DLC1: variants seen among roughly 807,000 people sequenced by gnomAD.
DLC1 encodes DLC1 Rho GTPase activating protein.
Under a neutral mutation model 140.3 loss-of-function variants are expected in DLC1, and 54 were observed. That is an observed-to-expected ratio of 0.38 (90% CI 0.31 to 0.48). The LOEUF (loss-of-function observed/expected upper bound fraction) is 0.48. Ranked by LOEUF, DLC1 falls within the 20% of genes least tolerant of loss-of-function variation. The pLI is 0.96. For synonymous variants in DLC1, 986 were observed against 728.1 expected (o/e 1.35, Z -5.70); for missense variants, 2,536 against 1,907.0 (o/e 1.33, Z -6.14).
chr8:13,450,406 G>T (rs1461390361), intron 2 of DLC1, among the ~76,000 whole-genome samples: 1 of 128,132 alleles, frequency 7.8e-6, no homozygotes, highest in Non-Finnish European at 1.5e-5. Flanking sequence ...AGTGAGCCAA[G>T]ATAGTGCCAC....
chr8:13,282,691 A>C (rs981923502), intron 5 of DLC1, among the ~76,000 whole-genome samples: 1 of 152,214 alleles, frequency 6.6e-6, no homozygotes, highest in South Asian at 2.1e-4. Context: ...GTGTGTTAGT[A>C]AAGAAGCTCA....
At chr8:13,265,689 C>T (rs924020987) in intron 5 of DLC1, among the ~76,000 whole-genome samples, 2 of 151,662 alleles carry the variant, frequency 1.3e-5, no homozygotes, top group East Asian at 3.9e-4. Context: ...TTCTCTTCTT[C>T]CTTCCTTCCT....
At chr8:13,134,572 C>G (rs1822411863) in intron 5 of DLC1, among the ~76,000 whole-genome samples, 1 of 152,104 alleles carries the variant, frequency 6.6e-6, no homozygotes, top group African/African-American at 2.4e-5. Flanking sequence ...AATTTAGTCT[C>G]TTAATTATAG....
intron 1 of DLC1, among the ~76,000 whole-genome samples, chr8:13,575,173 C>T (rs1240532727): frequency 3.3e-5 from 5 of 152,138 alleles, no homozygotes; most frequent in Non-Finnish European, 7.3e-5. Context: ...GTGTCTTATG[C>T]AATCATAAGC....
At chr8:13,472,221 C>G (rs1008616805) in intron 2 of DLC1, among the ~76,000 whole-genome samples, 1 of 152,120 alleles carries the variant, frequency 6.6e-6, no homozygotes, top group Non-Finnish European at 1.5e-5. Context: ...TATCCTTCCC[C>G]TTAGGAATCT....
chr8:13,499,220 G>A lies in DLC1; in HGVS notation c.852C>T (p.Cys284=). ...CATTTTCAGCTGACATTCCATTGGGGCAGGAAGGAGGCTGCAGAAGGCAGC... is the reference window on the plus strand; with the variant it reads ...CATTTTCAGCTGACATTCCATTGGGACAGGAAGGAGGCTGCAGAAGGCAGC... The part of the protein sequence containing the change: ...FGSCLLQPPS[C]PNGMSAENGL... The change falls in exon 2 of 18, where the codon TGC becomes TGT. Residue 284 remains cysteine (C), a synonymous_variant. Coordinates refer to ENST00000276297, the MANE Select transcript of DLC1 (RefSeq NM_182643.3). The A allele has an allele frequency of 6.2e-7, 1 of 1,614,168 alleles. No homozygotes were observed. The highest frequency in any genetic ancestry group is 8.5e-7 in the Non-Finnish European group (1 of 1,180,020).
intron 2 of DLC1, among the ~76,000 whole-genome samples, chr8:13,492,234 T>A (rs984808749): frequency 2.6e-5 from 4 of 152,084 alleles, no homozygotes; most frequent in Admixed American, 2.6e-4. Context: ...AGGCTGGCTC[T>A]GGTCATCACC....
At chr8:13,367,574 T>C (rs774466856) in intron 4 of DLC1, among the ~76,000 whole-genome samples, 1 of 152,194 alleles carries the variant, frequency 6.6e-6, no homozygotes, top group Admixed American at 6.5e-5. Context: ...GACGTGCTTA[T>C]TTGTTTTTGT....
intron 4 of DLC1, among the ~76,000 whole-genome samples, chr8:13,349,619 A>G (rs928242822): frequency 3.9e-5 from 6 of 152,202 alleles, no homozygotes; most frequent in Non-Finnish European, 7.3e-5. Context: ...TCAGTGACTT[A>G]TCTTTACATA....
At chr8:13,579,876 G>T (rs1805021696) in intron 1 of DLC1, among the ~76,000 whole-genome samples, 1 of 151,734 alleles carries the variant, frequency 6.6e-6, no homozygotes, top group Non-Finnish European at 1.5e-5. Flanking sequence ...TGTTGTATCA[G>T]TGATTTCCTA....
At chr8:13,493,752 A>C (rs919393503) in intron 2 of DLC1, among the ~76,000 whole-genome samples, 1 of 152,004 alleles carries the variant, frequency 6.6e-6, no homozygotes. Context: ...TCAGCCTCCT[A>C]CTTTGGTTCA....
chr8:13,353,130 G>A (rs1283874674), intron 4 of DLC1, among the ~76,000 whole-genome samples: 7 of 152,104 alleles, frequency 4.6e-5, no homozygotes, highest in Non-Finnish European at 7.3e-5. Context: ...GTGGCTATAC[G>A]TGGCTTTCCT....
chr8:13,368,690 T>A (rs1419014762), intron 4 of DLC1, among the ~76,000 whole-genome samples: 2 of 152,148 alleles, frequency 1.3e-5, no homozygotes, highest in Non-Finnish European at 2.9e-5. Context: ...CTCTGAGTTG[T>A]TAGGTGAAAG....
intron 1 of DLC1, among the ~76,000 whole-genome samples, chr8:13,579,343 A>AAAATACATATT (rs1804972021): frequency 3.5e-5 from 1 of 28,918 alleles, no homozygotes; most frequent in African/African-American, 1.1e-4. Flanking sequence ...ATATATATAT[A>AAAATACATATT]TATATATATA....
chr8:13,389,707 G>C (rs2117198032), intron 4 of DLC1, among the ~76,000 whole-genome samples: 1 of 152,212 alleles, frequency 6.6e-6, no homozygotes, highest in East Asian at 1.9e-4. Flanking sequence ...TAATCTTACT[G>C]AAAAATAGGC....
intron 1 of DLC1, among the ~76,000 whole-genome samples, chr8:13,582,436 A>T (rs868539427): frequency 6.6e-6 from 1 of 152,134 alleles, no homozygotes; most frequent in Admixed American, 6.5e-5. Context: ...GCAGACCCAA[A>T]CTTAATCTGA....
chr8:13,410,711 A>G (rs1210951016), intron 2 of DLC1, among the ~76,000 whole-genome samples: 2 of 152,198 alleles, frequency 1.3e-5, no homozygotes, highest in Non-Finnish European at 1.5e-5. Context: ...GGAAAGATAT[A>G]TACTTGCTCT....
chr8:13,362,129 G>A (rs536037101), intron 4 of DLC1, among the ~76,000 whole-genome samples: 1 of 152,216 alleles, frequency 6.6e-6, no homozygotes, highest in Admixed American at 6.5e-5. Flanking sequence ...GAACCATTTT[G>A]CAAGGCAGAG....
chr8:13,219,882 G>A (rs1828457024), intron 5 of DLC1, among the ~76,000 whole-genome samples: 8 of 152,124 alleles, frequency 5.3e-5, no homozygotes, highest in Admixed American at 4.6e-4. Context: ...ACACATGGAT[G>A]AATTGAGACC....
Sources: gnomAD v4.1 joint callset for allele counts (sites outside exome capture counted in the v4.1 genomes callset) on GRCh38, gnomAD v4.1.1 for gene constraint, MANE v1.5 for transcripts, NCBI Gene and HGNC (gene_info 2026-07-23, HGNC 2026-07-21) for gene names.